Variants in TBC1D14 observed in about 807,000 individuals in gnomAD.
TBC1D14 encodes the protein TBC1 domain family, member 14.
A neutral mutation model predicts 79.0 loss-of-function variants in TBC1D14; 26 were observed. The observed-to-expected ratio is 0.33, with a 90% CI of 0.24 to 0.46. The LOEUF (loss-of-function observed/expected upper bound fraction) is 0.46. Ranked by LOEUF, TBC1D14 falls within the 20% of genes least tolerant of loss-of-function variation. TBC1D14 has a pLI of 1.00. For synonymous variants in TBC1D14, 394 were observed against 349.9 expected (o/e 1.13, Z -1.40); for missense variants, 769 against 887.6 (o/e 0.87, Z 1.70).
At chr4:6,982,297 T>C (rs1717449411) in intron 3 of TBC1D14, among the ~76,000 whole-genome samples, 1 of 152,226 alleles carries the variant, frequency 6.6e-6, no homozygotes, top group South Asian at 2.1e-4. Context: ...TAAACACACC[T>C]AATACCTTGG....
intron 3 of TBC1D14, among the ~76,000 whole-genome samples, chr4:6,980,937 G>A (rs542192059): frequency 4.4e-4 from 66 of 151,034 alleles, no homozygotes; most frequent in South Asian, 1.3e-3. Context: ...GGATGGTCTC[G>A]ATCTCCTGAA....
intron 2 of TBC1D14, chr4:6,954,168 A>C: frequency 1.6e-6 from 1 of 637,078 alleles, no homozygotes; most frequent in African/African-American, 1.8e-5. Context: ...CATCTGGCAG[A>C]CGCGAGGGGC....
At chr4:7,010,871 A>T in intron 11 of TBC1D14, 90 bp downstream of exon 11, 1 of 1,449,114 alleles carries the variant, frequency 6.9e-7, no homozygotes, top group Non-Finnish European at 9.4e-7. Flanking sequence ...GAAAAAAAGA[A>T]TACATTTTCT....
intron 2 of TBC1D14, among the ~76,000 whole-genome samples, chr4:6,941,405 C>T (rs1472665856): frequency 1.3e-5 from 2 of 152,166 alleles, no homozygotes; most frequent in Non-Finnish European, 2.9e-5. Flanking sequence ...AGGCTGGTCT[C>T]AAACTCCGGA....
intron 2 of TBC1D14, among the ~76,000 whole-genome samples, chr4:6,953,267 C>A (rs1183005732): frequency 6.9e-6 from 1 of 145,816 alleles, no homozygotes; most frequent in East Asian, 2.1e-4. Flanking sequence ...TCGTGTTCCA[C>A]CCACCTCGGC....
At position 6,923,572 on chromosome 4, in the gene TBC1D14, C is replaced by G. The variant is rs769849293; in HGVS notation, c.183C>G (p.Leu61=). ...KLRALEDRHS[L]QSVDSGIPTL... is the part of the protein sequence containing the mutation. ...GGGCTTTAGAAGACCGGCACAGCCT[C>G]CAGTCCGTGGACTCGGGGATTCCTA... Residue 61 remains leucine, a synonymous_variant, in exon 2 of 14, where the codon CTC becomes CTG. Transcript: ENST00000409757. The G allele has an allele frequency of 1.9e-5, 30 of 1,614,112 alleles. No homozygotes were observed. The highest frequency in any genetic ancestry group is 2.5e-5 in the Non-Finnish European group (30 of 1,180,004).
rs996527249 is a variant in TBC1D14 at position 7,031,562 on chromosome 4, G to C, written c.*1170G>C. 2 of 152,202 alleles carry C rather than the reference G, an allele frequency of 1.3e-5. No homozygotes were observed. Among genetic ancestry groups the C allele is most frequent in the Non-Finnish European group, 1.5e-5 (1 of 68,038 alleles). 9.4% of individuals were successfully genotyped at this position (152,202 alleles called of 1,614,324 possible). A position where few individuals can be genotyped will look rare whatever the true frequency, so the allele number is the denominator to read the frequency against. On this transcript the variant is annotated 3_prime_UTR_variant, in exon 14 of 14. Coordinates refer to ENST00000409757, the MANE Select transcript of TBC1D14 (RefSeq NM_020773.3). Reference sequence around the variant, plus strand: ...TCTGTCTTTTCCTTGACTAATTGTAGAACTTTGTGTGAGGACTTTGGTTAT... The same window carrying C: ...TCTGTCTTTTCCTTGACTAATTGTACAACTTTGTGTGAGGACTTTGGTTAT...
chr4:7,027,846 CCACACA>C (rs369482936), intron 13 of TBC1D14, among the ~76,000 whole-genome samples: 1 of 145,482 alleles, frequency 6.9e-6, no homozygotes, highest in Admixed American at 6.9e-5. Context: ...ACAGGCATAC[CCACACA>C]CACACAGATC....
At chr4:6,992,895 A>G (rs1405070934) in intron 3 of TBC1D14, among the ~76,000 whole-genome samples, 2 of 152,258 alleles carry the variant, frequency 1.3e-5, no homozygotes, top group Non-Finnish European at 2.9e-5. Flanking sequence ...GTTAAGCCAC[A>G]GTAAACAGTG....
At chr4:6,953,736 G>A (rs1437206272) in intron 2 of TBC1D14, among the ~76,000 whole-genome samples, 1 of 152,066 alleles carries the variant, frequency 6.6e-6, no homozygotes, top group African/African-American at 2.4e-5. Flanking sequence ...AAGTGAGTGA[G>A]GGGGAATCCA....
intron 2 of TBC1D14, among the ~76,000 whole-genome samples, chr4:6,964,728 G>T (rs1715547746): frequency 6.6e-6 from 1 of 152,296 alleles, no homozygotes; most frequent in East Asian, 1.9e-4. Flanking sequence ...CTTGGGCTAT[G>T]AAACTATTTC....
intron 3 of TBC1D14, among the ~76,000 whole-genome samples, chr4:6,980,059 C>T (rs1390570384): frequency 6.6e-6 from 1 of 152,178 alleles, no homozygotes; most frequent in African/African-American, 2.4e-5. Context: ...TGATCTAATT[C>T]ACAATTTATA....
At chr4:7,017,650 G>GA (rs1307598031) in intron 12 of TBC1D14, among the ~76,000 whole-genome samples, 1 of 152,322 alleles carries the variant, frequency 6.6e-6, no homozygotes, top group African/African-American at 2.4e-5. Flanking sequence ...AGGGCCTTGT[G>GA]AATGCTGTCC....
chr4:7,006,195 T>C (rs1720181021), intron 8 of TBC1D14, among the ~76,000 whole-genome samples: 1 of 151,988 alleles, frequency 6.6e-6, no homozygotes, highest in South Asian at 2.1e-4. Context: ...AAAAAAGAAA[T>C]ATTACATGAG....
In TBC1D14 at chr4:6,923,610, G is replaced by A. The variant is rs1724036129; in HGVS notation, c.221G>A (p.Gly74Glu). The stretch of plus-strand genomic sequence containing the variant: ...TCGGGGATTCCTACCCTGGAGATCG[G>A]GAACCCGGAGCCTGTACCCTGCAGC... Reference protein sequence around the residue: ...VDSGIPTLEIGNPEPVPCSAV... With the variant: ...VDSGIPTLEIENPEPVPCSAV... Residue 74 changes from glycine to glutamate, a missense_variant, in exon 2 of 14, where the codon GGG becomes GAG. By Grantham distance (98) the Gly-to-Glu change is moderately conservative. This residue lies in a region of TBC1D14 where 402 missense variants were observed against 393.2 expected (regional missense o/e 1.02). Coordinates refer to ENST00000409757, the MANE Select transcript of TBC1D14 (RefSeq NM_020773.3). 1.9e-6 allele frequency: 3 copies of A among 1,613,986 alleles called. No homozygotes were observed. In the East Asian group the frequency reaches 6.7e-5, roughly 36 times the overall value.
chr4:6,988,885 C>CTTTCTTTTTTTTTT (rs748889966), intron 3 of TBC1D14, among the ~76,000 whole-genome samples: 6 of 76,810 alleles, frequency 7.8e-5, no homozygotes, highest in Non-Finnish European at 1.4e-4. Context: ...TTCTTTCTTT[C>CTTTCTTTTTTTTTT]TTTTTTTTTT....
At chr4:7,015,344 A>G (rs1488039141) in intron 12 of TBC1D14, among the ~76,000 whole-genome samples, 2 of 152,142 alleles carry the variant, frequency 1.3e-5, no homozygotes. Flanking sequence ...ATGTCAGAGA[A>G]TCATGGTCAG....
intron 3 of TBC1D14, among the ~76,000 whole-genome samples, chr4:6,980,270 C>G (rs1717244625): frequency 6.6e-6 from 1 of 152,126 alleles, no homozygotes; most frequent in South Asian, 2.1e-4. Context: ...CAAACTTGCA[C>G]ATTAAACAAG....
At chr4:7,024,471 G>T (rs1396762569) in intron 12 of TBC1D14, among the ~76,000 whole-genome samples, 1 of 152,200 alleles carries the variant, frequency 6.6e-6, no homozygotes, top group East Asian at 1.9e-4. Flanking sequence ...TTGGAATTCA[G>T]CAGAGATTGC....
Sources: gnomAD v4.1 joint callset for allele counts (sites outside exome capture counted in the v4.1 genomes callset) on GRCh38, gnomAD v4.1.1 for gene constraint, gnomAD v4.1.1 regional missense constraint, MANE v1.5 for transcripts, NCBI Gene and HGNC (gene_info 2026-07-23, HGNC 2026-07-21) for gene names.